Variants in TNFRSF8 observed in about 807,000 individuals in gnomAD.
The protein encoded by TNFRSF8 is TNF receptor superfamily member 8.
A neutral mutation model predicts 70.8 loss-of-function variants in TNFRSF8; 26 were observed. The observed-to-expected ratio is 0.37, with a 90% CI of 0.27 to 0.51. The LOEUF (loss-of-function observed/expected upper bound fraction) is 0.51. Ranked by LOEUF, TNFRSF8 falls within the 20% of genes least tolerant of loss-of-function variation. The probability of loss-of-function intolerance (pLI) is 0.94; values close to 1 mark genes in which losing one functional copy is unlikely to be tolerated. For missense variants in TNFRSF8, 720 were observed against 807.9 expected (o/e 0.89, Z 1.32); for synonymous variants, 356 against 339.2 (o/e 1.05, Z -0.54).
At chr1:12,075,356 G>T (rs1361845444) in intron 1 of TNFRSF8, among the ~76,000 whole-genome samples, 5 of 152,038 alleles carry the variant, frequency 3.3e-5, no homozygotes, top group African/African-American at 1.2e-4. Context: ...AAAGAGCTGG[G>T]ATTACGGGTG....
At chr1:12,080,476 C>T (rs1300492114) in intron 1 of TNFRSF8, 4 of 522,290 alleles carry the variant, frequency 7.7e-6, no homozygotes, top group Non-Finnish European at 1.5e-5. Context: ...ACTCTGTGGT[C>T]AGTGGGAACT....
At chr1:12,080,299 C>T (rs1050605781) in intron 1 of TNFRSF8, 6 of 523,868 alleles carry the variant, frequency 1.1e-5, no homozygotes, top group South Asian at 6.9e-5. Flanking sequence ...AATCAGGAGC[C>T]AGTGGAACAT....
intron 1 of TNFRSF8, among the ~76,000 whole-genome samples, chr1:12,073,371 G>A (rs75625446): frequency 0.013 from 2,011 of 152,158 alleles, 42 homozygotes; most frequent in African/African-American, 0.045. Flanking sequence ...TCAGAAAGTC[G>A]AATACTCCCA....
Position 12,138,700 on chromosome 1 carries a change from C to T in TNFRSF8, c.1543+264C>T, listed in dbSNP as rs761828955. ...TAAAAAACGAACACCACCCCAGCCCCCAACACCGAGCACCCGAGGGGACAG... is the reference window on the plus strand; with the variant it reads ...TAAAAAACGAACACCACCCCAGCCCTCAACACCGAGCACCCGAGGGGACAG... On this transcript the variant is annotated intron_variant, in intron 14 of 14. Coordinates refer to ENST00000263932, the MANE Select transcript of TNFRSF8 (RefSeq NM_001243.5). This position sits in a 1 kb window ranked among gnomAD's most constrained non-coding sequence, Gnocchi z 5.7. Among the ~76,000 whole-genome samples, 30 of 152,192 alleles carry T rather than the reference C, an allele frequency of 2.0e-4. No homozygotes were observed. The highest frequency in any genetic ancestry group is 1.8e-3 in the Admixed American group (27 of 15,284).
chr1:12,123,771 T>TC lies in TNFRSF8; in HGVS notation c.1100dup (p.Thr368AsnfsTer135). On this transcript the variant is annotated frameshift_variant, in exon 10 of 15. Coordinates refer to ENST00000263932, the MANE Select transcript of TNFRSF8 (RefSeq NM_001243.5). LOFTEE classifies it high-confidence loss of function. Reference sequence around the variant, plus strand: ...TCCCAGGCCAGTAAGACGCTGCCCATCCCAACCAGCGCTCCCGTCGCTCTC... The same window carrying TC: ...TCCCAGGCCAGTAAGACGCTGCCCATCCCCAACCAGCGCTCCCGTCGCTCTC... 6.3e-7 allele frequency: 1 copy of TC among 1,580,866 alleles called. No individual in the cohort carries two copies. The highest frequency in any genetic ancestry group is 1.3e-5 in the African/African-American group (1 of 74,338).
At chr1:12,129,035 G>A (rs936341512) in intron 12 of TNFRSF8, among the ~76,000 whole-genome samples, 2 of 151,284 alleles carry the variant, frequency 1.3e-5, no homozygotes, top group Admixed American at 6.6e-5. Context: ...GGGTTTCACC[G>A]TGTTGGCCAG....
chr1:12,069,530 C>G (rs1191584245), intron 1 of TNFRSF8, among the ~76,000 whole-genome samples: 1 of 152,172 alleles, frequency 6.6e-6, no homozygotes, highest in Non-Finnish European at 1.5e-5. Flanking sequence ...AGAAGCGCCT[C>G]TGGCAATGTG....
Position 12,115,874 on chromosome 1 carries a change from C to A in TNFRSF8, c.946+145C>A, listed in dbSNP as rs1048314385. 7 of 797,152 alleles carry A rather than the reference C, an allele frequency of 8.8e-6. No homozygotes were observed. The Admixed American group carries it at 2.2e-4, about 25-fold the overall frequency. 49.4% of individuals were successfully genotyped at this position (797,152 alleles called of 1,614,324 possible). A position where few individuals can be genotyped will look rare whatever the true frequency, so the allele number is the denominator to read the frequency against. On this transcript the variant is annotated intron_variant, in intron 8 of 14. Transcript: ENST00000263932. ...AGGTCAGGTTTGGGTTCTGGTTATC[C>A]TTTGAGTAGTCAGACTCAGTGAATG...
chr1:12,110,576 G>A lies in TNFRSF8; in HGVS notation c.676+372G>A, dbSNP rs1023480132. ...CTGATGCCCTCCTGGTCTCCATGGC[G>A]AAGGGTCGACCCTCAGTCATTTTTC... On this transcript the variant is annotated intron_variant, in intron 6 of 14. Transcript: ENST00000263932. This position sits in a 1 kb window ranked among gnomAD's most constrained non-coding sequence, Gnocchi z 4.0. Among the ~76,000 whole-genome samples, 1 of 152,120 alleles carries A rather than the reference G, an allele frequency of 6.6e-6. No homozygotes were observed. Among genetic ancestry groups the A allele is most frequent in the Non-Finnish European group, 1.5e-5 (1 of 68,028 alleles).
intron 4 of TNFRSF8, among the ~76,000 whole-genome samples, chr1:12,105,961 A>C (rs1641516428): frequency 6.6e-6 from 1 of 151,492 alleles, no homozygotes; most frequent in Non-Finnish European, 1.5e-5. Flanking sequence ...AAAAAAAAGA[A>C]AACTCCAGGG....
At chr1:12,085,988 A>G (rs1438065205) in intron 2 of TNFRSF8, among the ~76,000 whole-genome samples, 2 of 152,172 alleles carry the variant, frequency 1.3e-5, no homozygotes, top group Non-Finnish European at 2.9e-5. Context: ...CTGGTTCATC[A>G]TCGCCACTTC....
chr1:12,119,351 T>C lies in TNFRSF8; in HGVS notation c.946+3622T>C, dbSNP rs1216573257. Among the ~76,000 whole-genome samples the C allele has an allele frequency of 1.3e-5, 2 of 152,140 alleles. No homozygotes were observed. Among genetic ancestry groups the C allele is most frequent in the African/African-American group, 2.4e-5 (1 of 41,436 alleles). The stretch of plus-strand genomic sequence containing the variant: ...AGTGCTCCAGGCGTCTCCCCCACAG[T>C]GGCAGCCTCAATTTCTCTGTGCACC... On this transcript the variant is annotated intron_variant, in intron 8 of 14. Transcript: ENST00000263932. This position sits in a 1 kb window ranked among gnomAD's most constrained non-coding sequence, Gnocchi z 4.4.
Position 12,112,137 on chromosome 1 carries a change from G to C in TNFRSF8, c.793+123G>C, listed in dbSNP as rs575741975. On this transcript the variant is annotated intron_variant, in intron 7 of 14. Transcript: ENST00000263932. The surrounding 1 kb of genome is among the most constrained non-coding windows in gnomAD (Gnocchi z 5.3). ...GATGGGGGTCGCCTCTTTTCAGAGG[G>C]CTTCCATTGGCATATTATTTCCTTC... is the stretch of plus-strand genomic sequence containing the variant. 1.6e-6 allele frequency: 1 copy of C among 634,498 alleles called. No individual in the cohort carries two copies. Among genetic ancestry groups the C allele is most frequent in the Non-Finnish European group, 2.8e-6 (1 of 362,444 alleles). The allele number at this position is 634,498 out of a possible 1,614,324, so 39.3% of individuals were successfully genotyped here.
At chr1:12,107,613 G>T (rs1024124376) in intron 4 of TNFRSF8, among the ~76,000 whole-genome samples, 1 of 152,038 alleles carries the variant, frequency 6.6e-6, no homozygotes, top group South Asian at 2.1e-4. Context: ...TTTAAAGTGT[G>T]GCTCCCAGAA....
Position 12,109,528 on chromosome 1 carries a change from C to T in TNFRSF8, c.422-38C>T. 1 of 1,576,438 alleles carries T rather than the reference C, an allele frequency of 6.3e-7. No homozygotes were observed. Among genetic ancestry groups the T allele is most frequent in the Non-Finnish European group, 8.7e-7 (1 of 1,147,822 alleles). ...TGTATTCCGGGAGACTTTGGGTCCC[C>T]AACACTGATTCTGAAGGCACTGCTG... On this transcript the variant is annotated intron_variant, in intron 4 of 14. Coordinates refer to ENST00000263932, the MANE Select transcript of TNFRSF8 (RefSeq NM_001243.5). This position sits in a 1 kb window ranked among gnomAD's most constrained non-coding sequence, Gnocchi z 4.4.
chr1:12,069,537 T>C (rs1640806564), intron 1 of TNFRSF8, among the ~76,000 whole-genome samples: 1 of 152,198 alleles, frequency 6.6e-6, no homozygotes, highest in African/African-American at 2.4e-5. Flanking sequence ...CCTCTGGCAA[T>C]GTGAAGACTG....
chr1:12,116,224 A>G lies in TNFRSF8; in HGVS notation c.946+495A>G, dbSNP rs567174725. 4.0e-3 allele frequency among the ~76,000 whole-genome samples: 612 copies of G among 151,990 alleles called. 4 individuals carry two copies. The highest frequency in any genetic ancestry group is 0.014 in the African/African-American group (589 of 41,478). On this transcript the variant is annotated intron_variant, in intron 8 of 14. Transcript: ENST00000263932. ...TCGAACTCCCGACCTCAGGTGATCCACCCACCTTGGCCTCTCAAAGTGCTG... is the reference window on the plus strand; with the variant it reads ...TCGAACTCCCGACCTCAGGTGATCCGCCCACCTTGGCCTCTCAAAGTGCTG...
At position 12,138,868 on chromosome 1, in the gene TNFRSF8, CG is replaced by C. The variant is rs1359326795; in HGVS notation, c.1543+433del. Among the ~76,000 whole-genome samples the C allele has an allele frequency of 1.3e-5, 2 of 152,160 alleles. No homozygotes were observed. Among genetic ancestry groups the C allele is most frequent in the Admixed American group, 6.5e-5 (1 of 15,284 alleles). On this transcript the variant is annotated intron_variant, in intron 14 of 14. Coordinates refer to ENST00000263932, the MANE Select transcript of TNFRSF8 (RefSeq NM_001243.5). The surrounding 1 kb of genome is among the most constrained non-coding windows in gnomAD (Gnocchi z 5.7). ...CTCCCCATTTTACAGTTGGGGAGAC[CG>C]TGGCTCAGAGGGTGAAGTGATTTTC... is the stretch of plus-strand genomic sequence containing the variant.
chr1:12,096,656 T>C (rs1028356397), intron 2 of TNFRSF8, among the ~76,000 whole-genome samples: 2 of 152,160 alleles, frequency 1.3e-5, no homozygotes, highest in African/African-American at 2.4e-5. Flanking sequence ...ATAGTGCTTG[T>C]TGGGTGCCAG....
Sources: allele counts gnomAD v4.1 joint callset (sites outside exome capture counted in the v4.1 genomes callset), GRCh38; gene constraint gnomAD v4.1.1; non-coding constraint Gnocchi (gnomAD v3.1); transcripts MANE v1.5; gene names NCBI Gene and HGNC (gene_info 2026-07-23, HGNC 2026-07-21).